PTPN13: variants seen among roughly 807,000 people sequenced by gnomAD.
PTPN13 encodes protein tyrosine phosphatase non-receptor type 13, also known as tyrosine-protein phosphatase non-receptor type 13.
In PTPN13, 191 loss-of-function variants were observed where a neutral mutation model predicts 284.0. The observed-to-expected ratio is 0.67, with a 90% CI of 0.60 to 0.76. The LOEUF is 0.76. Ranked by LOEUF, PTPN13 falls within the 30% of genes least tolerant of loss-of-function variation. The probability of loss-of-function intolerance (pLI) is 0.00; values close to 1 mark genes in which losing one functional copy is unlikely to be tolerated. For synonymous variants in PTPN13, 986 were observed against 1,022.3 expected, an observed-to-expected ratio of 0.96 and a Z score of 0.68; for missense variants, 2,797 against 2,939.9, an observed-to-expected ratio of 0.95 and a Z score of 1.12.
At chr4:86,714,089 CA>C (rs1467544816) in intron 7 of PTPN13, among the ~76,000 whole-genome samples, 1 of 149,738 alleles carries the variant, frequency 6.7e-6, no homozygotes, top group Non-Finnish European at 1.5e-5. Context: ...AAAAAAGACA[CA>C]AGAAAATTCT....
chr4:86,766,120 G>A (rs896092193), intron 26 of PTPN13, among the ~76,000 whole-genome samples: 1 of 151,618 alleles, frequency 6.6e-6, no homozygotes, highest in Non-Finnish European at 1.5e-5. Flanking sequence ...GAGCCTCTGA[G>A]CCCAGCCTGA....
chr4:86,647,479 A>G (rs1401156663), intron 2 of PTPN13, among the ~76,000 whole-genome samples: 3 of 151,752 alleles, frequency 2.0e-5, no homozygotes, highest in East Asian at 1.9e-4. Flanking sequence ...TCTAATAAGT[A>G]TATTTAAATT....
rs1735085251 is a variant in PTPN13 at position 86,732,755 on chromosome 4, C to T, written c.1847C>T (p.Ala616Val). ...GLVEHHLFALATLKDNEYFFV... is the reference protein window; with the variant it reads ...GLVEHHLFALVTLKDNEYFFV... ...GTAGAGCATCATTTGTTTGCTTTAGCTACCCTCAAAGGTACCAAGACATTT... is the reference window on the plus strand; with the variant it reads ...GTAGAGCATCATTTGTTTGCTTTAGTTACCCTCAAAGGTACCAAGACATTT... The change falls in exon 12 of 48, where the codon GCT becomes GTT. Residue 616 changes from alanine (A) to valine (V), a missense_variant. Physicochemically the swap from Ala to Val is moderately conservative, Grantham distance 64. Coordinates refer to ENST00000411767, the MANE Select transcript of PTPN13 (RefSeq NM_080683.3). The T allele has an allele frequency of 6.2e-7, 1 of 1,612,516 alleles. No homozygotes were observed. The highest frequency in any genetic ancestry group is 2.2e-5 in the East Asian group (1 of 44,782).
intron 46 of PTPN13, among the ~76,000 whole-genome samples, chr4:86,810,213 C>CT (rs1745074779): frequency 6.6e-6 from 1 of 152,076 alleles, no homozygotes; most frequent in Admixed American, 6.5e-5. Flanking sequence ...ACTTGTTTTA[C>CT]TGGGTGTTTT....
At chr4:86,609,777 T>G (rs1042255348) in intron 1 of PTPN13, among the ~76,000 whole-genome samples, 30 of 152,112 alleles carry the variant, frequency 2.0e-4, no homozygotes, top group African/African-American at 6.5e-4. Flanking sequence ...CAGTACTAAT[T>G]TTATGGTTTT....
At chr4:86,648,464 G>A (rs988181064) in intron 2 of PTPN13, among the ~76,000 whole-genome samples, 3 of 152,030 alleles carry the variant, frequency 2.0e-5, no homozygotes, top group Non-Finnish European at 2.9e-5. Flanking sequence ...CCGCCTATGA[G>A]TGAGAACATG....
rs746010758 is a variant in PTPN13 at position 86,722,272 on chromosome 4, G to A, written c.1446G>A (p.Arg482=). The change falls in exon 10 of 48, where the codon CGG becomes CGA. Residue 482 remains arginine, a synonymous_variant. Transcript: ENST00000411767. ...NLINQEIMLK[R]QEEELMQLQA... The stretch of plus-strand genomic sequence containing the variant: ...TTAATCAAGAGATCATGCTAAAACG[G>A]CAAGAGGAAGAACTGATGCAGCTAC... 22 of 1,613,534 alleles carry A rather than the reference G, an allele frequency of 1.4e-5. No homozygotes were observed. Among genetic ancestry groups the A allele is most frequent in the Non-Finnish European group, 1.9e-5 (22 of 1,179,774 alleles).
intron 17 of PTPN13, among the ~76,000 whole-genome samples, chr4:86,746,787 C>T (rs879643710): frequency 3.3e-5 from 5 of 152,128 alleles, no homozygotes; most frequent in East Asian, 1.9e-4. Context: ...CCCGCCACCA[C>T]GCCCAGCTAA....
In PTPN13 at chr4:86,686,890, A is replaced by G. The variant is rs796939516; in HGVS notation, c.360+115A>G. On this transcript the variant is annotated intron_variant, in intron 4 of 47. Coordinates refer to ENST00000411767, the MANE Select transcript of PTPN13 (RefSeq NM_080683.3). ...CTACAGCATGCTGTCAGGTGTACCA[A>G]CATTCCTATGGAGTTTGTTTACATT... The G allele has an allele frequency of 8.3e-6, 6 of 724,918 alleles. No individual in the cohort carries two copies. The African/African-American group carries it at 1.1e-4, about 13-fold the overall frequency. 44.9% of individuals were successfully genotyped at this position (724,918 alleles called of 1,614,324 possible). A position where few individuals can be genotyped will look rare whatever the true frequency, so the allele number is the denominator to read the frequency against.
intron 5 of PTPN13, among the ~76,000 whole-genome samples, chr4:86,692,858 T>C (rs1730172607): frequency 6.6e-6 from 1 of 152,048 alleles, no homozygotes; most frequent in Non-Finnish European, 1.5e-5. Context: ...GGCAGGCAGA[T>C]CACTTGATGT....
At chr4:86,637,686 A>C (rs1164160449) in intron 2 of PTPN13, among the ~76,000 whole-genome samples, 1 of 149,048 alleles carries the variant, frequency 6.7e-6, no homozygotes, top group Non-Finnish European at 1.5e-5. Context: ...ATCTCAAAAT[A>C]ATAAGAGCTA....
intron 17 of PTPN13, among the ~76,000 whole-genome samples, chr4:86,746,416 A>G (rs1474798876): frequency 2.6e-5 from 4 of 152,314 alleles, no homozygotes; most frequent in Non-Finnish European, 1.5e-5. Flanking sequence ...ACTGTTTCAC[A>G]TTCAAAAAAT....
At chr4:86,732,538 T>G in intron 11 of PTPN13, 54 bp from the exon 12 acceptor site, 1 of 1,596,174 alleles carries the variant, frequency 6.3e-7, no homozygotes, top group South Asian at 1.1e-5. Context: ...AAAAACCAGT[T>G]AAAATTCTTA....
At chr4:86,649,656 A>G (rs945523015) in intron 2 of PTPN13, among the ~76,000 whole-genome samples, 3 of 152,136 alleles carry the variant, frequency 2.0e-5, no homozygotes, top group African/African-American at 7.2e-5. Flanking sequence ...GAAGTCAGGT[A>G]ATGTGATGCT....
chr4:86,635,504 T>A (rs1722914324), intron 2 of PTPN13, 133 bp downstream of exon 2: 1 of 1,339,188 alleles, frequency 7.5e-7, no homozygotes, highest in Non-Finnish European at 9.9e-7. Context: ...AGGAATACTT[T>A]CCTTATCTCT....
chr4:86,752,328 A>C (rs553797681), intron 19 of PTPN13, among the ~76,000 whole-genome samples: 14 of 152,216 alleles, frequency 9.2e-5, no homozygotes, highest in Non-Finnish European at 1.5e-4. Context: ...ACAATTCTGC[A>C]TTATAATACA....
At chr4:86,652,953 C>T (rs1725267822) in intron 2 of PTPN13, among the ~76,000 whole-genome samples, 1 of 151,598 alleles carries the variant, frequency 6.6e-6, no homozygotes, top group Non-Finnish European at 1.5e-5. Flanking sequence ...TTATTTTTCC[C>T]CCGACTGTGT....
chr4:86,796,295 A>T (rs1185164806), intron 40 of PTPN13, among the ~76,000 whole-genome samples: 2 of 151,952 alleles, frequency 1.3e-5, no homozygotes, highest in Non-Finnish European at 1.5e-5. Flanking sequence ...TCACACTTTC[A>T]TCTTTTTCAT....
chr4:86,744,994 CA>C lies in PTPN13; in HGVS notation c.2517del (p.Asp840MetfsTer3). Reference protein sequence around the residue: ...SKKKITLQNTSDGIKHGFQTD... With the variant: ...SKKKITLQNTXDGIKHGFQTD... ...AAGAAAATCACATTGCAAAATACAT[CA>C]GATGGAATAAAACATGGCTTCCAGA... is the stretch of plus-strand genomic sequence containing the variant. On this transcript the variant is annotated frameshift_variant, in exon 17 of 48. Transcript: ENST00000411767. LOFTEE classifies it high-confidence loss of function. 1 of 1,587,992 alleles carries C rather than the reference CA, an allele frequency of 6.3e-7. No homozygotes were observed. Among genetic ancestry groups the C allele is most frequent in the African/African-American group, 1.3e-5 (1 of 74,472 alleles).
Sources: allele counts gnomAD v4.1 joint callset (sites outside exome capture counted in the v4.1 genomes callset), GRCh38; gene constraint gnomAD v4.1.1; transcripts MANE v1.5; gene names NCBI Gene and HGNC (gene_info 2026-07-23, HGNC 2026-07-21).